The following ATG4A variants were observed in gnomAD, a reference collection of about 807,000 sequenced individuals.
ATG4A encodes the protein autophagy related 4A cysteine peptidase.
ATG4A carries 22 observed loss-of-function variants against 38.4 expected under a neutral mutation model. The observed-to-expected ratio is 0.57, with a 90% CI of 0.41 to 0.82. The LOEUF is 0.82. ATG4A is among the 40% of genes least tolerant of loss of function. The pLI is 0.00. For synonymous variants in ATG4A, 86 were observed against 100.7 expected, an observed-to-expected ratio of 0.85 and a Z score of 0.88; for missense variants, 220 against 290.0, an observed-to-expected ratio of 0.76 and a Z score of 1.75.
chrX:108,151,517 A>C (rs2033588207), intron 10 of ATG4A, among the ~76,000 whole-genome samples: 1 of 112,303 alleles, frequency 8.9e-6, no homozygotes, highest in South Asian at 3.7e-4. Flanking sequence ...AATGGAATTA[A>C]CCCTACACTT....
chrX:108,114,394 G>A (rs1299204348), intron 1 of ATG4A, among the ~76,000 whole-genome samples: 1 of 111,952 alleles, frequency 8.9e-6, no homozygotes, highest in Admixed American at 9.5e-5. Flanking sequence ...GGCCCAAAGT[G>A]ACTTTGCAGT....
chrX:108,114,670 C>T (rs1375667999), intron 1 of ATG4A, among the ~76,000 whole-genome samples: 1 of 112,379 alleles, frequency 8.9e-6, no homozygotes. Flanking sequence ...AGAAATAAGA[C>T]AAAGAAACTA....
intron 9 of ATG4A, among the ~76,000 whole-genome samples, chrX:108,145,421 A>T (rs2033400063): frequency 8.9e-6 from 1 of 112,887 alleles, no homozygotes; most frequent in Non-Finnish European, 1.9e-5. Flanking sequence ...GGCATTTGCC[A>T]AGTCAATAGC....
chrX:108,135,992 C>T lies in ATG4A; in HGVS notation c.468-1099C>T, dbSNP rs181972851. Among the ~76,000 whole-genome samples the T allele has an allele frequency of 6.3e-5, 7 of 110,288 alleles. No homozygotes were observed. The Admixed American group carries it at 6.8e-4, about 11-fold the overall frequency. Reference sequence around the variant, plus strand: ...AGAGATGGAGTTTCACCATGTTAGCCAGGCTGGTCTCGAACTTCTGACCTC... The same window carrying T: ...AGAGATGGAGTTTCACCATGTTAGCTAGGCTGGTCTCGAACTTCTGACCTC... On this transcript the variant is annotated intron_variant, in intron 6 of 12. Coordinates refer to ENST00000372232, the MANE Select transcript of ATG4A (RefSeq NM_052936.5).
At chrX:108,140,628 A>G (rs1246919289) in intron 9 of ATG4A, among the ~76,000 whole-genome samples, 2 of 104,301 alleles carry the variant, frequency 1.9e-5, no homozygotes, top group African/African-American at 6.9e-5. Flanking sequence ...TATAAAATGT[A>G]TTACATATAC....
At chrX:108,106,144 T>G (rs2032165162) in intron 1 of ATG4A, among the ~76,000 whole-genome samples, 1 of 111,561 alleles carries the variant, frequency 9.0e-6, no homozygotes, top group Non-Finnish European at 1.9e-5. Context: ...CAAGGTATTT[T>G]TTTTTTTTAC....
chrX:108,128,696 G>A, intron 2 of ATG4A, 85 bp from the exon 3 acceptor site: 1 of 596,817 alleles, frequency 1.7e-6, no homozygotes, highest in Non-Finnish European at 2.5e-6. Flanking sequence ...CTGGTTATTT[G>A]AAATTAAGTT....
chrX:108,099,218 T>C (rs1187606088), intron 1 of ATG4A, among the ~76,000 whole-genome samples: 2 of 111,771 alleles, frequency 1.8e-5, no homozygotes, highest in Non-Finnish European at 3.8e-5. Flanking sequence ...ATATTACTGA[T>C]TTAATTTGCA....
chrX:108,119,521 C>A (rs934340516), intron 1 of ATG4A, among the ~76,000 whole-genome samples: 1 of 111,814 alleles, frequency 8.9e-6, no homozygotes, highest in African/African-American at 3.3e-5. Context: ...CTATTCTATT[C>A]AATTTCATTT....
intron 7 of ATG4A, among the ~76,000 whole-genome samples, chrX:108,137,422 T>G (rs2033134871): frequency 8.9e-6 from 1 of 112,509 alleles, no homozygotes; most frequent in Admixed American, 9.3e-5. Flanking sequence ...GTATAATAAT[T>G]TATTCAACCA....
intron 4 of ATG4A, among the ~76,000 whole-genome samples, 168 bp from the exon 5 acceptor site, chrX:108,133,889 G>A (rs761694999): frequency 1.8e-5 from 2 of 112,433 alleles, no homozygotes; most frequent in African/African-American, 6.5e-5. Context: ...CTTTCCAGAT[G>A]TCTTTGTCAT....
chrX:108,104,017 C>G (rs1461752515), intron 1 of ATG4A, among the ~76,000 whole-genome samples: 1 of 111,451 alleles, frequency 9.0e-6, no homozygotes, highest in East Asian at 2.8e-4. Flanking sequence ...TGGCTAATTT[C>G]TGTATTTTTA....
At chrX:108,150,609 A>G (rs945266546) in intron 10 of ATG4A, among the ~76,000 whole-genome samples, 1 of 113,087 alleles carries the variant, frequency 8.8e-6, no homozygotes, top group African/African-American at 3.2e-5. Flanking sequence ...AGGACTCCCA[A>G]TCATGGTGGA....
chrX:108,097,364 C>T (rs1386629489), intron 1 of ATG4A, among the ~76,000 whole-genome samples: 2 of 112,168 alleles, frequency 1.8e-5, no homozygotes, highest in African/African-American at 3.2e-5. Flanking sequence ...GTAACTCTAC[C>T]TGTGATTTTG....
intron 1 of ATG4A, among the ~76,000 whole-genome samples, chrX:108,116,013 A>G (rs1470319652): frequency 3.6e-5 from 4 of 112,112 alleles, no homozygotes; most frequent in Non-Finnish European, 7.5e-5. Flanking sequence ...GGTGTCTGCT[A>G]CATACGGTGC....
intron 1 of ATG4A, among the ~76,000 whole-genome samples, chrX:108,124,445 C>CTTTTTCTTTT (rs992218333): frequency 9.0e-6 from 1 of 111,101 alleles, no homozygotes; most frequent in African/African-American, 3.3e-5. Context: ...GTTTCTTTTT[C>CTTTTTCTTTT]TTTTTCTTTT....
At chrX:108,094,411 C>A (rs2031738892) in intron 1 of ATG4A, among the ~76,000 whole-genome samples, 1 of 106,203 alleles carries the variant, frequency 9.4e-6, no homozygotes, top group African/African-American at 3.4e-5. Context: ...ATACCCCATG[C>A]TTTTTTTTTT....
chrX:108,090,520 TTGAG>T (rs2031576816), upstream of ATG4A, among the ~76,000 whole-genome samples: 2 of 111,915 alleles, frequency 1.8e-5, no homozygotes, highest in South Asian at 7.5e-4. Flanking sequence ...CATTTTCAGG[TTGAG>T]TAATAAAGGA....
chrX:108,117,519 C>T (rs777775186), intron 1 of ATG4A, among the ~76,000 whole-genome samples: 14 of 111,440 alleles, frequency 1.3e-4, no homozygotes, highest in African/African-American at 4.2e-4. Flanking sequence ...GAATCTCCTC[C>T]GTATCATGTG....
Sources: gnomAD v4.1 joint callset for allele counts (sites outside exome capture counted in the v4.1 genomes callset) on GRCh38, gnomAD v4.1.1 for gene constraint, MANE v1.5 for transcripts, NCBI Gene and HGNC (gene_info 2026-07-23, HGNC 2026-07-21) for gene names.